The following MFHAS1 variants were observed in gnomAD, a reference collection of about 807,000 sequenced individuals.
The protein encoded by MFHAS1 is multifunctional ROCO family signaling regulator 1.
Under a neutral mutation model 70.4 loss-of-function variants are expected in MFHAS1, and 50 were observed. The ratio of observed to expected loss-of-function variants is 0.71; its 90% CI spans 0.57 to 0.90. MFHAS1 has a LOEUF of 0.90. MFHAS1 is among the 40% of genes least tolerant of loss of function. MFHAS1 has a pLI of 0.00. For missense variants in MFHAS1, 1,795 were observed against 1,347.6 expected (o/e 1.33, Z -5.20); for synonymous variants, 952 against 620.0 (o/e 1.54, Z -7.96).
intron 1 of MFHAS1, among the ~76,000 whole-genome samples, chr8:8,878,700 G>A (rs1417377555): frequency 6.6e-6 from 1 of 151,870 alleles, no homozygotes; most frequent in Admixed American, 6.6e-5. Flanking sequence ...AGGAGGGAAG[G>A]ACAGAAAGAG....
chr8:8,855,719 G>A (rs955046734), intron 1 of MFHAS1, among the ~76,000 whole-genome samples: 17 of 152,122 alleles, frequency 1.1e-4, no homozygotes, highest in Non-Finnish European at 1.8e-4. Context: ...AGCCAGGCAT[G>A]GTGGCAGGCA....
intron 1 of MFHAS1, among the ~76,000 whole-genome samples, chr8:8,799,634 T>A (rs888922059): frequency 6.6e-6 from 1 of 152,154 alleles, no homozygotes; most frequent in Non-Finnish European, 1.5e-5. Context: ...CGGGCACCTG[T>A]AATCTCAGGT....
chr8:8,793,804 T>C (rs964773), intron 2 of MFHAS1, among the ~76,000 whole-genome samples: 30,784 of 152,102 alleles, frequency 0.2, 3,372 homozygotes, highest in African/African-American at 0.27. Context: ...GTACACACGT[T>C]AGACTCATCT....
Position 8,836,822 on chromosome 8 carries a change from C to A in MFHAS1, c.2999-39331G>T, listed in dbSNP as rs766045700. 1.3e-5 allele frequency among the ~76,000 whole-genome samples: 2 copies of A among 152,186 alleles called. 1 individual carries two copies. Among genetic ancestry groups the A allele is most frequent in the South Asian group, 4.1e-4 (2 of 4,824 alleles). The stretch of plus-strand genomic sequence containing the variant: ...ACAGGGGTCTAAAAATTCTGATTCC[C>A]TTTCCCATCTGAATCTTGCCATTTT... On this transcript the variant is annotated intron_variant, in intron 1 of 2. Coordinates refer to ENST00000276282, the MANE Select transcript of MFHAS1 (RefSeq NM_004225.3).
At chr8:8,866,900 T>C (rs1038418753) in intron 1 of MFHAS1, among the ~76,000 whole-genome samples, 1 of 152,206 alleles carries the variant, frequency 6.6e-6, no homozygotes, top group Non-Finnish European at 1.5e-5. Context: ...ACTTGCATAA[T>C]TAGCCTTCTT....
intron 1 of MFHAS1, among the ~76,000 whole-genome samples, chr8:8,831,788 T>TA (rs1807398087): frequency 6.6e-6 from 1 of 152,046 alleles, no homozygotes; most frequent in Admixed American, 6.5e-5. Context: ...TTTATATTTT[T>TA]AGTAGAGACG....
At chr8:8,792,856 C>G (rs1434357924) in intron 2 of MFHAS1, among the ~76,000 whole-genome samples, 1 of 152,188 alleles carries the variant, frequency 6.6e-6, no homozygotes, top group Non-Finnish European at 1.5e-5. Flanking sequence ...CTGTCACAAT[C>G]TGTATCCTTG....
chr8:8,788,409 C>A (rs899006335), intron 2 of MFHAS1, among the ~76,000 whole-genome samples: 1 of 152,182 alleles, frequency 6.6e-6, no homozygotes, highest in South Asian at 2.1e-4. Context: ...CCAGGTGCGG[C>A]AGCTCATGCC....
At chr8:8,797,312 G>A (rs574083614) in intron 2 of MFHAS1, 53 bp downstream of exon 2, 1 of 1,603,500 alleles carries the variant, frequency 6.2e-7, no homozygotes, top group East Asian at 2.2e-5. Context: ...TCATATCTAT[G>A]GAGCTGGGAT....
intron 1 of MFHAS1, among the ~76,000 whole-genome samples, chr8:8,848,563 A>C (rs1178569588): frequency 6.6e-6 from 1 of 152,254 alleles, no homozygotes; most frequent in Admixed American, 6.5e-5. Context: ...TTGAATTAAA[A>C]TACTTCATGA....
At chr8:8,873,728 G>C (rs73190101) in intron 1 of MFHAS1, among the ~76,000 whole-genome samples, 14,221 of 152,214 alleles carry the variant, frequency 0.093, 744 homozygotes, top group Middle Eastern at 0.12. Context: ...CACGCAGCGC[G>C]GGAAGATTTT....
intron 1 of MFHAS1, among the ~76,000 whole-genome samples, chr8:8,829,161 T>C (rs866293280): frequency 6.6e-6 from 1 of 152,138 alleles, no homozygotes; most frequent in African/African-American, 2.4e-5. Flanking sequence ...TCACCTCTCA[T>C]GCCTCTGCTA....
At chr8:8,792,408 C>T (rs1215485535) in intron 2 of MFHAS1, among the ~76,000 whole-genome samples, 1 of 152,196 alleles carries the variant, frequency 6.6e-6, no homozygotes, top group Non-Finnish European at 1.5e-5. Flanking sequence ...CAAGACCAGC[C>T]TGGTCAACAT....
chr8:8,838,941 C>T (rs1333790554), intron 1 of MFHAS1, among the ~76,000 whole-genome samples: 3 of 152,138 alleles, frequency 2.0e-5, no homozygotes, highest in Non-Finnish European at 4.4e-5. Context: ...AAGGCATGTA[C>T]CATTTTATAA....
intron 1 of MFHAS1, among the ~76,000 whole-genome samples, chr8:8,886,465 G>A (rs1809756527): frequency 6.6e-6 from 1 of 152,094 alleles, no homozygotes; most frequent in Non-Finnish European, 1.5e-5. Flanking sequence ...ACTGCACGCT[G>A]CCCATTACTT....
At chr8:8,831,484 G>GA (rs760920152) in intron 1 of MFHAS1, among the ~76,000 whole-genome samples, 1 of 152,066 alleles carries the variant, frequency 6.6e-6, no homozygotes, top group Non-Finnish European at 1.5e-5. Flanking sequence ...ACTTGGATGG[G>GA]AAAAATACAT....
At chr8:8,794,158 CCAGCCTGGGTGA>C (rs1038358582) in intron 2 of MFHAS1, among the ~76,000 whole-genome samples, 1 of 151,954 alleles carries the variant, frequency 6.6e-6, no homozygotes, top group African/African-American at 2.4e-5. Context: ...CCACTGCACT[CCAGCCTGGGTGA>C]CAGAGTGAGA....
chr8:8,785,953 C>G lies in MFHAS1; in HGVS notation c.*69G>C, dbSNP rs1805526947. On this transcript the variant is annotated 3_prime_UTR_variant, in exon 3 of 3. Coordinates refer to ENST00000276282, the MANE Select transcript of MFHAS1 (RefSeq NM_004225.3). Reference sequence around the variant, plus strand: ...GCTGGGGTGAGTGCAGAGGGTCTGCCAGGTGCAAAAGATGGTCCAGGTGTT... The same window carrying G: ...GCTGGGGTGAGTGCAGAGGGTCTGCGAGGTGCAAAAGATGGTCCAGGTGTT... The G allele has an allele frequency of 1.3e-6, 2 of 1,524,348 alleles. No homozygotes were observed. The highest frequency in any genetic ancestry group is 9.1e-7 in the Non-Finnish European group (1 of 1,098,448). 94.4% of individuals were successfully genotyped at this position (1,524,348 alleles called of 1,614,324 possible).
chr8:8,879,030 G>C (rs575364101), intron 1 of MFHAS1, among the ~76,000 whole-genome samples: 2 of 152,072 alleles, frequency 1.3e-5, no homozygotes, highest in Admixed American at 6.6e-5. Context: ...CCCCAGATGG[G>C]AGCAAGTCTA....
Sources: gnomAD v4.1 joint callset for allele counts (sites outside exome capture counted in the v4.1 genomes callset) on GRCh38, gnomAD v4.1.1 for gene constraint, MANE v1.5 for transcripts, NCBI Gene and HGNC (gene_info 2026-07-23, HGNC 2026-07-21) for gene names.